ARID5B: variants seen among roughly 807,000 people sequenced by gnomAD.
The protein encoded by ARID5B is AT-rich interaction domain 5B, also known as AT-rich interactive domain-containing protein 5B.
ARID5B carries 13 observed loss-of-function variants against 97.2 expected under a neutral mutation model. The ratio of observed to expected loss-of-function variants is 0.13; its 90% CI spans 0.09 to 0.21. ARID5B has a LOEUF of 0.21. ARID5B is among the 10% of genes least tolerant of loss of function. The pLI, the probability that ARID5B is intolerant of heterozygous loss-of-function variation, is 1.00. For synonymous variants in ARID5B, 556 were observed against 570.3 expected, an observed-to-expected ratio of 0.97 and a Z score of 0.36; for missense variants, 1,210 against 1,465.3, an observed-to-expected ratio of 0.83 and a Z score of 2.84.
chr10:62,058,905 A>G (rs768020363), intron 6 of ARID5B, among the ~76,000 whole-genome samples: 21 of 152,334 alleles, frequency 1.4e-4, no homozygotes, highest in Admixed American at 8.5e-4. Context: ...AACAAGACCA[A>G]CCCCAGTTTT....
chr10:61,927,757 G>C (rs1844132252), intron 2 of ARID5B, among the ~76,000 whole-genome samples: 1 of 152,140 alleles, frequency 6.6e-6, no homozygotes, highest in African/African-American at 2.4e-5. Context: ...GCCTAATAAG[G>C]ACATTCAAAA....
At chr10:62,068,303 A>G (rs923447053) in intron 7 of ARID5B, among the ~76,000 whole-genome samples, 6 of 152,138 alleles carry the variant, frequency 3.9e-5, no homozygotes, top group African/African-American at 1.2e-4. Context: ...GTCTAGTGAG[A>G]ACTATTGAAA....
intron 2 of ARID5B, among the ~76,000 whole-genome samples, chr10:61,904,921 C>A (rs377116429): frequency 1.9e-4 from 29 of 152,316 alleles, no homozygotes; most frequent in Non-Finnish European, 2.9e-4. Context: ...CTAAGTTAGT[C>A]ATTCATTAGC....
intron 3 of ARID5B, among the ~76,000 whole-genome samples, chr10:61,998,728 T>G (rs1839035978): frequency 1.3e-5 from 2 of 152,196 alleles, no homozygotes; most frequent in African/African-American, 4.8e-5. Flanking sequence ...CATGGTTCTC[T>G]GAGGTGTGCC....
At chr10:61,925,914 T>G (rs941138600) in intron 2 of ARID5B, among the ~76,000 whole-genome samples, 9 of 152,210 alleles carry the variant, frequency 5.9e-5, no homozygotes, top group Non-Finnish European at 1.0e-4. Flanking sequence ...TCTGTTTGTT[T>G]ACTCCCTCCT....
chr10:61,932,762 CA>C (rs1474799858), intron 2 of ARID5B, among the ~76,000 whole-genome samples: 2 of 152,146 alleles, frequency 1.3e-5, no homozygotes, highest in African/African-American at 4.8e-5. Context: ...TCAACCCTCT[CA>C]AACCCTGCCA....
intron 3 of ARID5B, among the ~76,000 whole-genome samples, chr10:61,943,835 A>G (rs145349583): frequency 1.3e-3 from 200 of 152,122 alleles, no homozygotes; most frequent in African/African-American, 4.7e-3. Context: ...GCAGCTTCCA[A>G]TAAATGCTCT....
At chr10:62,038,044 A>T (rs369144789) in intron 4 of ARID5B, among the ~76,000 whole-genome samples, 7 of 152,328 alleles carry the variant, frequency 4.6e-5, no homozygotes, top group South Asian at 2.1e-4. Context: ...AGTAAGATTT[A>T]AAAAAGTAGT....
chr10:62,013,977 C>T (rs1051454950), intron 4 of ARID5B, among the ~76,000 whole-genome samples: 1 of 151,890 alleles, frequency 6.6e-6, no homozygotes, highest in Non-Finnish European at 1.5e-5. Flanking sequence ...TTCCTTGATA[C>T]ACTTTATTTT....
intron 3 of ARID5B, among the ~76,000 whole-genome samples, chr10:61,948,206 G>C (rs1230979381): frequency 6.6e-6 from 1 of 152,018 alleles, no homozygotes; most frequent in African/African-American, 2.4e-5. Flanking sequence ...TCTGCATCAT[G>C]CTTTTCTGAA....
At chr10:61,916,981 C>T (rs1213629006) in intron 2 of ARID5B, among the ~76,000 whole-genome samples, 1 of 151,912 alleles carries the variant, frequency 6.6e-6, no homozygotes, top group Non-Finnish European at 1.5e-5. Flanking sequence ...GGGGAGCGCA[C>T]GACTGGTTTG....
At chr10:61,959,419 T>A (rs570641277) in intron 3 of ARID5B, among the ~76,000 whole-genome samples, 1 of 152,266 alleles carries the variant, frequency 6.6e-6, no homozygotes, top group South Asian at 2.1e-4. Context: ...TGGCAGGAGA[T>A]ATACTGATAA....
intron 3 of ARID5B, among the ~76,000 whole-genome samples, chr10:61,943,194 A>T (rs1844442491): frequency 6.6e-6 from 1 of 152,182 alleles, no homozygotes; most frequent in Non-Finnish European, 1.5e-5. Context: ...CAGGATTTAT[A>T]TTGAGGAGAT....
At position 62,037,958 on chromosome 10, in the gene ARID5B, C is replaced by T. The variant is rs115260390; in HGVS notation, c.734-12930C>T. Reference sequence around the variant, plus strand: ...CATATTATAAAAATACAGAGCATTTCTGTAATGCTGGTTGGAGGAGTGGCT... The same window carrying T: ...CATATTATAAAAATACAGAGCATTTTTGTAATGCTGGTTGGAGGAGTGGCT... On this transcript the variant is annotated intron_variant, in intron 4 of 9. Transcript: ENST00000279873. Among the ~76,000 whole-genome samples, 1,316 of 152,236 alleles carry T rather than the reference C, an allele frequency of 8.6e-3. 20 individuals are homozygous for T. Among genetic ancestry groups the T allele is most frequent in the African/African-American group, 0.03 (1,258 of 41,534 alleles).
At chr10:62,068,106 T>G (rs1840017153) in intron 7 of ARID5B, among the ~76,000 whole-genome samples, 2 of 152,090 alleles carry the variant, frequency 1.3e-5, no homozygotes, top group Non-Finnish European at 2.9e-5. Context: ...GGGCCTCAGA[T>G]TAGCCCAAGA....
intron 4 of ARID5B, among the ~76,000 whole-genome samples, chr10:62,007,421 G>A (rs1159409892): frequency 6.6e-6 from 1 of 152,126 alleles, no homozygotes; most frequent in Admixed American, 6.5e-5. Context: ...TCTGGTCTAT[G>A]AGGACAACAG....
Position 61,963,631 on chromosome 10 carries a change from CTTT to C in ARID5B, c.502+23224_502+23226del, listed in dbSNP as rs1589237325. Among the ~76,000 whole-genome samples, 5 of 151,932 alleles carry C rather than the reference CTTT, an allele frequency of 3.3e-5. No individual in the cohort carries two copies. In the East Asian group the frequency reaches 9.6e-4, roughly 29 times the overall value. On this transcript the variant is annotated intron_variant, in intron 3 of 9. Transcript: ENST00000279873. ...GATTTGAGTAAAGAGCAACACAATTCTTTGTAAAGCCATTGGCCCCACAGAAAG... is the reference window on the plus strand; with the variant it reads ...GATTTGAGTAAAGAGCAACACAATTCGTAAAGCCATTGGCCCCACAGAAAG...
chr10:61,917,698 G>A (rs1843935083), intron 2 of ARID5B, among the ~76,000 whole-genome samples: 2 of 152,132 alleles, frequency 1.3e-5, no homozygotes, highest in South Asian at 4.1e-4. Context: ...TCTCATATTT[G>A]GCCCATTTTC....
In ARID5B at chr10:62,039,182, C is replaced by G. The variant is rs555406969; in HGVS notation, c.734-11706C>G. On this transcript the variant is annotated intron_variant, in intron 4 of 9. Coordinates refer to ENST00000279873, the MANE Select transcript of ARID5B (RefSeq NM_032199.3). ...AGAGTTTGGAGGACAAAGACAAATA[C>G]TTCTATAGTTAGATATCAGAAACAT... 4.6e-5 allele frequency among the ~76,000 whole-genome samples: 7 copies of G among 152,292 alleles called. No homozygotes were observed. In the East Asian group the frequency reaches 1.4e-3, roughly 29 times the overall value.
Sources: allele counts gnomAD v4.1 joint callset (sites outside exome capture counted in the v4.1 genomes callset), GRCh38; gene constraint gnomAD v4.1.1; transcripts MANE v1.5; gene names NCBI Gene and HGNC (gene_info 2026-07-23, HGNC 2026-07-21).